CAMK2G: variants seen among roughly 807,000 people sequenced by gnomAD.
The protein encoded by CAMK2G is calcium/calmodulin-dependent protein kinase type II subunit gamma.
In CAMK2G, 23 loss-of-function variants were observed where a neutral mutation model predicts 88.7. That is an observed-to-expected ratio of 0.26 (90% CI 0.19 to 0.37). The LOEUF is 0.37. Among genes scored for constraint, CAMK2G ranks in the 10% least tolerant of loss-of-function variants. The pLI, the probability that CAMK2G is intolerant of heterozygous loss-of-function variation, is 1.00. For missense variants in CAMK2G, 476 were observed against 780.8 expected, an observed-to-expected ratio of 0.61 and a Z score of 4.65; for synonymous variants, 263 against 294.8, an observed-to-expected ratio of 0.89 and a Z score of 1.11.
chr10:73,866,707 C>T (rs778839613), intron 2 of CAMK2G, among the ~76,000 whole-genome samples: 4 of 152,168 alleles, frequency 2.6e-5, no homozygotes, highest in Admixed American at 6.5e-5. Flanking sequence ...CCATGGGAGG[C>T]GGCCTCACTT....
intron 2 of CAMK2G, 22 bp from the exon 3 acceptor site, chr10:73,860,911 CA>C: frequency 6.3e-7 from 1 of 1,584,808 alleles, no homozygotes. Flanking sequence ...AGAGAAAAAA[CA>C]AAAGCCATCA....
intron 2 of CAMK2G, among the ~76,000 whole-genome samples, chr10:73,871,878 C>T (rs936873244): frequency 6.6e-5 from 10 of 152,108 alleles, no homozygotes; most frequent in South Asian, 2.1e-4. Context: ...GACAGAAGCC[C>T]GTGGAATTGT....
intron 3 of CAMK2G, among the ~76,000 whole-genome samples, chr10:73,858,450 G>T (rs1039086789): frequency 2.2e-4 from 33 of 152,172 alleles, no homozygotes; most frequent in Admixed American, 2.2e-3. Context: ...AACCACAGCC[G>T]CCTGGACCTG....
At chr10:73,825,447 G>A (rs924762914) in intron 15 of CAMK2G, 100 bp from the exon 16 acceptor site, 5 of 888,708 alleles carry the variant, frequency 5.6e-6, no homozygotes, top group Non-Finnish European at 9.5e-6. Context: ...GCCTGGAGGA[G>A]GTAGGCCTGA....
intron 14 of CAMK2G, 69 bp downstream of exon 14, chr10:73,837,399 G>T: frequency 2.5e-6 from 3 of 1,212,374 alleles, no homozygotes; most frequent in Non-Finnish European, 3.7e-6. Context: ...GGGGAACCAG[G>T]TGCCAAGAAT....
intron 19 of CAMK2G, chr10:73,818,939 G>A (rs1379720398): frequency 2.0e-5 from 8 of 404,248 alleles, no homozygotes; most frequent in African/African-American, 4.1e-5. Context: ...TCGAGGCACC[G>A]TATCAAGACT....
intron 19 of CAMK2G, chr10:73,818,699 C>G (rs772395686): frequency 2.4e-4 from 110 of 455,214 alleles, no homozygotes; most frequent in Middle Eastern, 8.7e-4. Context: ...TTAAGGGAAG[C>G]AAGGAGTTCG....
intron 2 of CAMK2G, among the ~76,000 whole-genome samples, chr10:73,862,475 A>G (rs923943604): frequency 6.6e-6 from 1 of 152,184 alleles, no homozygotes; most frequent in Non-Finnish European, 1.5e-5. Flanking sequence ...AGTAGTCGCC[A>G]TAACAATCGC....
chr10:73,835,701 C>G (rs1311850790), intron 14 of CAMK2G, among the ~76,000 whole-genome samples: 1 of 151,714 alleles, frequency 6.6e-6, no homozygotes, highest in Non-Finnish European at 1.5e-5. Context: ...TAAGACTGAT[C>G]CAACCATATT....
chr10:73,871,593 G>A (rs1228106167), intron 2 of CAMK2G, among the ~76,000 whole-genome samples: 1 of 152,170 alleles, frequency 6.6e-6, no homozygotes, highest in Non-Finnish European at 1.5e-5. Flanking sequence ...GCCAGAGGAT[G>A]TCTGCCAGAG....
chr10:73,847,684 A>C (rs941475845), intron 9 of CAMK2G, among the ~76,000 whole-genome samples: 1 of 152,220 alleles, frequency 6.6e-6, no homozygotes, highest in Non-Finnish European at 1.5e-5. Flanking sequence ...GGGAGTCTCC[A>C]GGCCTTTTGT....
intron 2 of CAMK2G, among the ~76,000 whole-genome samples, chr10:73,867,238 G>C (rs558807300): frequency 2.0e-5 from 3 of 152,224 alleles, no homozygotes; most frequent in Non-Finnish European, 4.4e-5. Context: ...CAAGGGAAGC[G>C]AGAGGCTCCA....
Position 73,816,608 on chromosome 10 carries a change from C to A in CAMK2G, c.1534+415G>T, listed in dbSNP as rs12262649. On this transcript the variant is annotated intron_variant, in intron 21 of 22. Coordinates refer to ENST00000423381, the MANE Select transcript of CAMK2G (RefSeq NM_001367534.1). Reference sequence around the variant, plus strand: ...CCCGAGTAGCTGGGACTACAGGCACCGCCACCACGCCCGGCTAATTTTTTG... The same window carrying A: ...CCCGAGTAGCTGGGACTACAGGCACAGCCACCACGCCCGGCTAATTTTTTG... The A allele has an allele frequency of 5.1e-6, 3 of 592,890 alleles. No homozygotes were observed. The Admixed American group carries it at 1.0e-4, about 21-fold the overall frequency. 36.7% of individuals were successfully genotyped at this position (592,890 alleles called of 1,614,324 possible).
chr10:73,831,335 C>A (rs986295325), intron 14 of CAMK2G, among the ~76,000 whole-genome samples: 1 of 151,514 alleles, frequency 6.6e-6, no homozygotes. Context: ...GTCAGGAGAT[C>A]GAGACCAGCC....
At chr10:73,862,325 A>G (rs1458444688) in intron 2 of CAMK2G, among the ~76,000 whole-genome samples, 1 of 105,072 alleles carries the variant, frequency 9.5e-6, no homozygotes, top group Non-Finnish European at 1.9e-5. Context: ...TTCCCAATGC[A>G]CTTCTCACGA....
chr10:73,812,922 T>C lies in CAMK2G; in HGVS notation c.*1596A>G, dbSNP rs931223711. ...AGGTGCTCGGAGGAGCCTGGCTAAA[T>C]CCAAGCACCAGCACCTGTGAGTCTG... On this transcript the variant is annotated 3_prime_UTR_variant, in exon 23 of 23. Transcript: ENST00000423381. The C allele has an allele frequency of 3.3e-5, 5 of 152,708 alleles. No individual in the cohort carries two copies. The highest frequency in any genetic ancestry group is 1.2e-4 in the African/African-American group (5 of 41,438). 9.5% of individuals were successfully genotyped at this position (152,708 alleles called of 1,614,324 possible).
chr10:73,864,424 G>A (rs1468366975), intron 2 of CAMK2G, among the ~76,000 whole-genome samples: 3 of 152,236 alleles, frequency 2.0e-5, no homozygotes, highest in Non-Finnish European at 4.4e-5. Context: ...AGTGGGTTGT[G>A]TATGGGGGAG....
At position 73,853,182 on chromosome 10, in the gene CAMK2G, T is replaced by A. The variant is rs753240610; in HGVS notation, c.275+10A>T. ...GAAAGGCCCCCACACCCTCAGAAAG[T>A]GGCACTTACAGGTCAAACACGAGGT... On this transcript the variant is annotated intron_variant, in intron 4 of 22. Transcript: ENST00000423381. The A allele has an allele frequency of 2.7e-5, 44 of 1,613,184 alleles. No homozygotes were observed. The highest frequency in any genetic ancestry group is 3.6e-5 in the Non-Finnish European group (43 of 1,179,230).
In CAMK2G at chr10:73,814,020, A is replaced by T. The variant is rs2306327; in HGVS notation, c.*498T>A. The T allele has an allele frequency of 0.13, 19,663 of 152,496 alleles. 1,356 individuals carry two copies. Among genetic ancestry groups the T allele is most frequent in the South Asian group, 0.19 (933 of 4,824 alleles). 9.4% of individuals were successfully genotyped at this position (152,496 alleles called of 1,614,324 possible). ...GCCTATGCAAGTTCCAAAGAAGTTC[A>T]TTCCTAGACCTGGGGTAAGCAGGCC... On this transcript the variant is annotated 3_prime_UTR_variant, in exon 23 of 23. Transcript: ENST00000423381.
Sources: gnomAD v4.1 joint callset for allele counts (sites outside exome capture counted in the v4.1 genomes callset) on GRCh38, gnomAD v4.1.1 for gene constraint, MANE v1.5 for transcripts, NCBI Gene and HGNC (gene_info 2026-07-23, HGNC 2026-07-21) for gene names.